Variants in C8B observed in about 807,000 individuals in gnomAD.
The protein encoded by C8B is complement component C8 beta chain.
A neutral mutation model predicts 64.6 loss-of-function variants in C8B; 67 were observed. The ratio of observed to expected loss-of-function variants is 1.04; its 90% CI spans 0.85 to 1.27. C8B has a LOEUF of 1.27. Among genes scored for constraint, C8B ranks in the 50% most tolerant of loss-of-function variants. The pLI, the probability that C8B is intolerant of heterozygous loss-of-function variation, is 0.00. For synonymous variants in C8B, 284 were observed against 257.7 expected (o/e 1.10, Z -0.98); for missense variants, 790 against 725.2 (o/e 1.09, Z -1.03).
At chr1:56,937,747 C>A (rs1488083267) in intron 9 of C8B, among the ~76,000 whole-genome samples, 3 of 149,764 alleles carry the variant, frequency 2.0e-5, no homozygotes, top group Non-Finnish European at 4.4e-5. Context: ...CCTTATTTAC[C>A]TGAAATTCAA....
At chr1:56,951,965 G>T in intron 5 of C8B, 83 bp downstream of exon 5, 10 of 1,555,570 alleles carry the variant, frequency 6.4e-6, no homozygotes, top group Non-Finnish European at 8.9e-6. Flanking sequence ...AAAAGGGCTA[G>T]CAGGCTGTCA....
chr1:56,931,959 A>G lies in C8B; in HGVS notation c.1553-81T>C, dbSNP rs540898287. ...TGGAGCTCAGCCCTCCAATCACTGC[A>G]GTTCCATCAGGTTAAAACAGAGCAC... On this transcript the variant is annotated intron_variant, in intron 10 of 11. Coordinates refer to ENST00000371237, the MANE Select transcript of C8B (RefSeq NM_000066.4). The G allele has an allele frequency of 3.1e-6, 3 of 982,774 alleles. No homozygotes were observed. The Admixed American group carries it at 5.3e-5, about 17-fold the overall frequency. 60.9% of individuals were successfully genotyped at this position (982,774 alleles called of 1,614,324 possible).
chr1:56,953,343 A>G (rs1277478488), intron 4 of C8B, among the ~76,000 whole-genome samples: 1 of 152,136 alleles, frequency 6.6e-6, no homozygotes, highest in African/African-American at 2.4e-5. Context: ...ATACATATTT[A>G]TTTTCTTTAA....
intron 3 of C8B, among the ~76,000 whole-genome samples, chr1:56,955,437 C>A (rs936909418): frequency 6.6e-6 from 1 of 152,180 alleles, no homozygotes; most frequent in African/African-American, 2.4e-5. Context: ...ATTTGCATCC[C>A]TTTTGCTTCC....
At chr1:56,933,775 C>T (rs1299515447) in intron 9 of C8B, among the ~76,000 whole-genome samples, 1 of 152,126 alleles carries the variant, frequency 6.6e-6, no homozygotes, top group Non-Finnish European at 1.5e-5. Flanking sequence ...AACTCAGAAT[C>T]GAGAGAGACA....
At chr1:56,956,711 A>G in intron 3 of C8B, 58 bp downstream of exon 3, 1 of 1,595,608 alleles carries the variant, frequency 6.3e-7, no homozygotes, top group Non-Finnish European at 8.6e-7. Flanking sequence ...TCCCTTGGTC[A>G]TCAAGAACCA....
intron 8 of C8B, among the ~76,000 whole-genome samples, chr1:56,942,896 C>T (rs1272524298): frequency 6.6e-6 from 1 of 151,392 alleles, no homozygotes; most frequent in Non-Finnish European, 1.5e-5. Context: ...ATGGCAAAAC[C>T]CTGTCTCTGT....
intron 7 of C8B, among the ~76,000 whole-genome samples, chr1:56,944,877 C>A (rs568035747): frequency 3.0e-4 from 45 of 152,228 alleles, no homozygotes; most frequent in South Asian, 4.1e-4. Context: ...TGACCTACAG[C>A]CATTCACTTA....
intron 7 of C8B, among the ~76,000 whole-genome samples, chr1:56,944,194 T>C (rs940801659): frequency 6.6e-6 from 1 of 151,204 alleles, no homozygotes; most frequent in Non-Finnish European, 1.5e-5. Flanking sequence ...CCCACCCTTC[T>C]CCAATCTTTG....
intron 6 of C8B, among the ~76,000 whole-genome samples, chr1:56,946,811 C>G (rs1557735277): frequency 6.6e-6 from 1 of 152,178 alleles, no homozygotes; most frequent in Non-Finnish European, 1.5e-5. Flanking sequence ...GCTGTATAGG[C>G]AGAGAAAAAG....
At chr1:56,958,788 C>T (rs1047467384) in intron 2 of C8B, among the ~76,000 whole-genome samples, 6 of 152,204 alleles carry the variant, frequency 3.9e-5, no homozygotes, top group African/African-American at 7.2e-5. Flanking sequence ...ATAAAACCTA[C>T]TTTGGGAACT....
intron 1 of C8B, among the ~76,000 whole-genome samples, chr1:56,960,509 A>G (rs1165582648): frequency 1.3e-5 from 2 of 152,198 alleles, no homozygotes; most frequent in African/African-American, 4.8e-5. Context: ...GCTCTATGGG[A>G]CTTTATCCAG....
rs753070859 is a variant in C8B at position 56,951,999 on chromosome 1, C to G, written c.666+49G>C. ...CAGGCCGGACCATGGACCCTGCTAACTGGGTGCTCAGCTGGGGCTCCCTCC... is the reference window on the plus strand; with the variant it reads ...CAGGCCGGACCATGGACCCTGCTAAGTGGGTGCTCAGCTGGGGCTCCCTCC... On this transcript the variant is annotated intron_variant, in intron 5 of 11. Coordinates refer to ENST00000371237, the MANE Select transcript of C8B (RefSeq NM_000066.4). The G allele has an allele frequency of 5.6e-6, 9 of 1,611,742 alleles. No individual in the cohort carries two copies. In the Middle Eastern group the frequency reaches 6.1e-4, roughly 110 times the overall value.
intron 5 of C8B, among the ~76,000 whole-genome samples, chr1:56,950,241 T>G (rs1645001270): frequency 6.6e-6 from 1 of 152,100 alleles, no homozygotes. Flanking sequence ...AGATCAAGCC[T>G]CAGGAAGATG....
intron 8 of C8B, 94 bp downstream of exon 8, chr1:56,943,602 T>C: frequency 6.8e-7 from 1 of 1,465,066 alleles, no homozygotes; most frequent in African/African-American, 1.4e-5. Context: ...TGGGATAGTA[T>C]TTGTCTCAAA....
intron 7 of C8B, among the ~76,000 whole-genome samples, 162 bp downstream of exon 7, chr1:56,945,659 T>C (rs1644929768): frequency 6.6e-6 from 1 of 152,112 alleles, no homozygotes; most frequent in African/African-American, 2.4e-5. Context: ...CCTAGGGAGC[T>C]AGGCAGAGGA....
intron 9 of C8B, among the ~76,000 whole-genome samples, chr1:56,938,246 C>G (rs1431056984): frequency 2.6e-5 from 4 of 152,186 alleles, no homozygotes. Context: ...TCTCTTGCGT[C>G]TGCATTTTAA....
At chr1:56,929,721 C>T (rs1644669168) in intron 11 of C8B, among the ~76,000 whole-genome samples, 163 bp from the exon 12 acceptor site, 1 of 152,114 alleles carries the variant, frequency 6.6e-6, no homozygotes, top group Non-Finnish European at 1.5e-5. Flanking sequence ...TCTTGCCTAC[C>T]ACAGGGCCTT....
chr1:56,951,800 T>C (rs1379324677), intron 5 of C8B, among the ~76,000 whole-genome samples: 1 of 152,258 alleles, frequency 6.6e-6, no homozygotes, highest in Non-Finnish European at 1.5e-5. Context: ...CTAAGCTTTA[T>C]TTCTATCTTC....
Sources: allele counts gnomAD v4.1 joint callset (sites outside exome capture counted in the v4.1 genomes callset), GRCh38; gene constraint gnomAD v4.1.1; transcripts MANE v1.5; gene names NCBI Gene and HGNC (gene_info 2026-07-23, HGNC 2026-07-21).